Variants in SLC3A1 observed in about 807,000 individuals in gnomAD.
SLC3A1 encodes amino acid transporter heavy chain SLC3A1.
In SLC3A1, 78 loss-of-function variants were observed where a neutral mutation model predicts 60.3. The observed-to-expected ratio is 1.29, with a 90% confidence interval of 1.08 to 1.56. SLC3A1 has a LOEUF of 1.56. Ranked by LOEUF, SLC3A1 falls within the 40% of genes most tolerant of loss-of-function variation. SLC3A1 has a pLI of 0.00. For missense variants in SLC3A1, 1,172 were observed against 858.9 expected (o/e 1.36, Z -4.56); for synonymous variants, 392 against 307.9 (o/e 1.27, Z -2.86).
In SLC3A1 at chr2:44,321,437, G is replaced by C. The variant is rs1317614119; in HGVS notation, c.*798G>C. 1.9e-6 allele frequency: 3 copies of C among 1,611,864 alleles called. No individual in the cohort carries two copies. The highest frequency in any genetic ancestry group is 2.5e-6 in the Non-Finnish European group (3 of 1,178,460). ...GTTCCTCGTACAGGAATTTAATTTG[G>C]GCTGTAATCTAAAAGAAACACATTA... On this transcript the variant is annotated 3_prime_UTR_variant, in exon 10 of 10. Transcript: ENST00000260649.
chr2:44,291,199 G>T (rs76273402), intron 4 of SLC3A1, among the ~76,000 whole-genome samples: 13 of 152,226 alleles, frequency 8.5e-5, no homozygotes, highest in African/African-American at 2.2e-4. Flanking sequence ...GCACAGATTT[G>T]TCAAGGAGGT....
At chr2:44,285,074 A>T (rs1671582778) in intron 3 of SLC3A1, 1 of 151,912 alleles carries the variant, frequency 6.6e-6, no homozygotes, top group Non-Finnish European at 1.5e-5. Context: ...TATCCCTTTG[A>T]AATTGCTTTC....
intron 4 of SLC3A1, among the ~76,000 whole-genome samples, chr2:44,287,896 C>G (rs769748174): frequency 2.5e-4 from 38 of 152,128 alleles, no homozygotes; most frequent in Non-Finnish European, 4.4e-4. Flanking sequence ...ACCTAGAACC[C>G]TTGGTTTAGT....
chr2:44,304,356 C>T lies in SLC3A1; in HGVS notation c.1332+18C>T, dbSNP rs985367116. 4.4e-6 allele frequency: 7 copies of T among 1,586,146 alleles called. No individual in the cohort carries two copies. The highest frequency in any genetic ancestry group is 4.0e-5 in the African/African-American group (3 of 74,444). On this transcript the variant is annotated intron_variant, in intron 7 of 9. Coordinates refer to ENST00000260649, the MANE Select transcript of SLC3A1 (RefSeq NM_000341.4). ...ACTGGATGGTAAGTCCTCATGACAGCAGAGTACATAATGTGCTGCTGTTGC... is the reference window on the plus strand; with the variant it reads ...ACTGGATGGTAAGTCCTCATGACAGTAGAGTACATAATGTGCTGCTGTTGC...
At chr2:44,321,529 T>C, downstream of SLC3A1, 2 of 1,544,738 alleles carry the variant, frequency 1.3e-6, no homozygotes, top group Non-Finnish European at 1.7e-6. Flanking sequence ...TCTATCCATC[T>C]TTACCTAACC....
intron 9 of SLC3A1, among the ~76,000 whole-genome samples, chr2:44,315,649 G>A (rs1468473732): frequency 6.6e-5 from 4 of 60,632 alleles, no homozygotes; most frequent in Non-Finnish European, 6.2e-5. Context: ...GAGTAAGACC[G>A]CCTCAAAAAA....
chr2:44,304,216 G>T lies in SLC3A1; in HGVS notation c.1210G>T (p.Glu404Ter), dbSNP rs879427147. 2 of 1,614,094 alleles carry T rather than the reference G, an allele frequency of 1.2e-6. No homozygotes were observed. Among genetic ancestry groups the T allele is most frequent in the Non-Finnish European group, 1.7e-6 (2 of 1,179,958 alleles). Reference sequence around the variant, plus strand: ...GTACTATGGATTGCCATTTATCCAAGAAGCTGATTTTCCCTTCAACAATTA... The same window carrying T: ...GTACTATGGATTGCCATTTATCCAATAAGCTGATTTTCCCTTCAACAATTA... Reference protein sequence around the residue: ...VMYYGLPFIQEADFPFNNYLS... With the variant: ...VMYYGLPFIQ Residue 404 changes from glutamate to a stop codon, truncating the protein, a stop_gained, in exon 7 of 10, where the codon GAA (glutamate) becomes TAA (stop). Transcript: ENST00000260649. LOFTEE classifies it high-confidence loss of function.
intron 3 of SLC3A1, among the ~76,000 whole-genome samples, chr2:44,284,011 C>T (rs959221147): frequency 4.6e-5 from 7 of 151,996 alleles, no homozygotes; most frequent in Non-Finnish European, 7.4e-5. Context: ...GGGCTACTTC[C>T]GTTTTTTTTA....
Position 44,304,012 on chromosome 2 carries a change from G to A in SLC3A1, c.1137-131G>A, listed in dbSNP as rs1309946616. 5 of 770,992 alleles carry A rather than the reference G, an allele frequency of 6.5e-6. No individual in the cohort carries two copies. In the Admixed American group the frequency reaches 9.1e-5, roughly 14 times the overall value. 47.8% of individuals were successfully genotyped at this position (770,992 alleles called of 1,614,324 possible). A position where few individuals can be genotyped will look rare whatever the true frequency, so the allele number is the denominator to read the frequency against. ...ACAGCTTGATTATGCTTTCTAGAAG[G>A]TGCTAGTCCTATATGGTTAATAGTG... is the stretch of plus-strand genomic sequence containing the variant. On this transcript the variant is annotated intron_variant, in intron 6 of 9. Transcript: ENST00000260649.
At chr2:44,289,977 A>G (rs1671705724) in intron 4 of SLC3A1, among the ~76,000 whole-genome samples, 1 of 152,084 alleles carries the variant, frequency 6.6e-6, no homozygotes, top group Admixed American at 6.6e-5. Context: ...TTAGTGTCGT[A>G]TCTAAGAACC....
At chr2:44,317,458 T>TG (rs1672516986) in intron 9 of SLC3A1, among the ~76,000 whole-genome samples, 6 of 35,570 alleles carry the variant, frequency 1.7e-4, no homozygotes, top group African/African-American at 9.2e-4. Flanking sequence ...GGAGATTGTG[T>TG]CAAAAAAAAA....
At chr2:44,290,123 C>CA (rs1553342622) in intron 4 of SLC3A1, among the ~76,000 whole-genome samples, 5 of 131,120 alleles carry the variant, frequency 3.8e-5, no homozygotes, top group Non-Finnish European at 8.0e-5. Context: ...AGCTGTCCGA[C>CA]TTTTTTTTTT....
At chr2:44,321,588 A>G (rs1672951889), downstream of SLC3A1, 1 of 1,491,308 alleles carries the variant, frequency 6.7e-7, no homozygotes, top group Non-Finnish European at 8.9e-7. Flanking sequence ...AGAGAGAGGC[A>G]GAAGGCTTCC....
At chr2:44,287,604 C>T (rs547884228) in intron 4 of SLC3A1, among the ~76,000 whole-genome samples, 104 of 152,218 alleles carry the variant, frequency 6.8e-4, no homozygotes, top group African/African-American at 8.9e-4. Context: ...GCAACCCTAC[C>T]AGTATGCTGG....
At chr2:44,322,379 C>T (rs558704685), downstream of SLC3A1, among the ~76,000 whole-genome samples, 1 of 152,320 alleles carries the variant, frequency 6.6e-6, no homozygotes, top group African/African-American at 2.4e-5. Context: ...ACAAAAATCT[C>T]AGAATCTGTC....
At chr2:44,300,779 G>C (rs1671983610) in intron 5 of SLC3A1, among the ~76,000 whole-genome samples, 1 of 151,988 alleles carries the variant, frequency 6.6e-6, no homozygotes, top group African/African-American at 2.4e-5. Context: ...AAATTTATTT[G>C]CTAAAATGGG....
At chr2:44,305,961 C>G (rs575708848) in intron 7 of SLC3A1, among the ~76,000 whole-genome samples, 1 of 152,112 alleles carries the variant, frequency 6.6e-6, no homozygotes, top group South Asian at 2.1e-4. Context: ...CCACACAATT[C>G]CACGATGTCT....
chr2:44,299,240 T>G (rs1671937656), intron 4 of SLC3A1, among the ~76,000 whole-genome samples: 1 of 152,066 alleles, frequency 6.6e-6, no homozygotes, highest in South Asian at 2.1e-4. Context: ...GGTTTCATCA[T>G]GTTGGCCAGG....
At chr2:44,314,066 TCA>T (rs1333604582) in intron 9 of SLC3A1, 115 bp downstream of exon 9, 7 of 1,559,330 alleles carry the variant, frequency 4.5e-6, no homozygotes, top group Non-Finnish European at 6.1e-6. Flanking sequence ...TTTAAATCAA[TCA>T]CAGACTTCCT....
Sources: gnomAD v4.1 joint callset for allele counts (sites outside exome capture counted in the v4.1 genomes callset) on GRCh38, gnomAD v4.1.1 for gene constraint, MANE v1.5 for transcripts, NCBI Gene and HGNC (gene_info 2026-07-23, HGNC 2026-07-21) for gene names.